Variants in IGFBP7 observed in about 807,000 individuals in gnomAD.
IGFBP7 encodes the protein insulin like growth factor binding protein 7, also known as insulin-like growth factor-binding protein 7.
A neutral mutation model predicts 29.4 loss-of-function variants in IGFBP7; 31 were observed. That is an observed-to-expected ratio of 1.05 (90% CI 0.79 to 1.42). The LOEUF (loss-of-function observed/expected upper bound fraction) is 1.42. IGFBP7 is among the 40% of genes most tolerant of loss of function. IGFBP7 has a pLI of 0.00. For synonymous variants in IGFBP7, 172 were observed against 174.9 expected, an observed-to-expected ratio of 0.98 and a Z score of 0.13; for missense variants, 393 against 395.5, an observed-to-expected ratio of 0.99 and a Z score of 0.05.
chr4:57,099,695 A>C (rs1419206321), intron 1 of IGFBP7, among the ~76,000 whole-genome samples: 2 of 152,192 alleles, frequency 1.3e-5, no homozygotes, highest in African/African-American at 4.8e-5. Context: ...CTGATCCTTC[A>C]AGAACCTCTG....
chr4:57,043,259 A>C (rs771526018), intron 1 of IGFBP7, among the ~76,000 whole-genome samples: 1 of 152,182 alleles, frequency 6.6e-6, no homozygotes, highest in Non-Finnish European at 1.5e-5. Context: ...AGACTCCAGA[A>C]CCTAACCTGG....
chr4:57,103,303 T>C (rs1725942218), intron 1 of IGFBP7, among the ~76,000 whole-genome samples: 1 of 152,132 alleles, frequency 6.6e-6, no homozygotes, highest in South Asian at 2.1e-4. Flanking sequence ...CACTCAGCGC[T>C]CCCATTGCTC....
chr4:57,056,368 TC>T (rs1172471337), intron 1 of IGFBP7, among the ~76,000 whole-genome samples: 20 of 152,126 alleles, frequency 1.3e-4, no homozygotes, highest in African/African-American at 4.8e-4. Context: ...TAGGGCTAGT[TC>T]TTCTCGTGTG....
intron 1 of IGFBP7, chr4:57,073,135 C>T: frequency 6.3e-7 from 1 of 1,594,968 alleles, no homozygotes; most frequent in Non-Finnish European, 8.6e-7. Flanking sequence ...AGCCCTGACC[C>T]AGGCTGCCCA....
intron 1 of IGFBP7, among the ~76,000 whole-genome samples, chr4:57,074,945 C>G (rs528512896): frequency 2.0e-5 from 3 of 152,358 alleles, no homozygotes; most frequent in African/African-American, 7.2e-5. Flanking sequence ...CAACAAGAAA[C>G]AGTGCCATGT....
chr4:57,065,861 C>G (rs550843574), intron 1 of IGFBP7, among the ~76,000 whole-genome samples: 2 of 152,250 alleles, frequency 1.3e-5, no homozygotes, highest in African/African-American at 4.8e-5. Context: ...ATCTTTGAGT[C>G]ATTTACTCCA....
intron 1 of IGFBP7, among the ~76,000 whole-genome samples, chr4:57,091,963 C>A (rs565447475): frequency 6.6e-6 from 1 of 152,226 alleles, no homozygotes; most frequent in East Asian, 1.9e-4. Flanking sequence ...GTGAAACAAG[C>A]GGTCAAATCA....
chr4:57,106,500 C>G (rs1294124275), intron 1 of IGFBP7, among the ~76,000 whole-genome samples: 1 of 152,128 alleles, frequency 6.6e-6, no homozygotes, highest in Non-Finnish European at 1.5e-5. Flanking sequence ...CAGACACTTA[C>G]TGTGGCTAGT....
At chr4:57,103,161 G>A (rs144851789) in intron 1 of IGFBP7, among the ~76,000 whole-genome samples, 62 of 152,326 alleles carry the variant, frequency 4.1e-4, no homozygotes, top group African/African-American at 1.4e-3. Context: ...GGGAAGGAGT[G>A]TAGGCATCTG....
chr4:57,042,331 T>A (rs537005635), intron 1 of IGFBP7, among the ~76,000 whole-genome samples: 2 of 151,576 alleles, frequency 1.3e-5, no homozygotes, highest in East Asian at 3.9e-4. Context: ...GTGTTTGGAT[T>A]TTTGTTTTTT....
At chr4:57,068,187 G>A (rs1487669967) in intron 1 of IGFBP7, among the ~76,000 whole-genome samples, 4 of 151,958 alleles carry the variant, frequency 2.6e-5, no homozygotes, top group Non-Finnish European at 4.4e-5. Flanking sequence ...ATACTTGGGA[G>A]GCCGAGGTGG....
At chr4:57,061,832 CT>C (rs1184664745) in intron 1 of IGFBP7, among the ~76,000 whole-genome samples, 1 of 151,980 alleles carries the variant, frequency 6.6e-6, no homozygotes, top group Non-Finnish European at 1.5e-5. Flanking sequence ...TTTATTTTTA[CT>C]TTTTTAAAAA....
intron 1 of IGFBP7, among the ~76,000 whole-genome samples, chr4:57,091,304 T>G (rs1725630422): frequency 6.6e-6 from 1 of 152,232 alleles, no homozygotes; most frequent in African/African-American, 2.4e-5. Flanking sequence ...GAACCATGAA[T>G]GAATGAATGA....
intron 1 of IGFBP7, among the ~76,000 whole-genome samples, chr4:57,084,322 T>A (rs1238417446): frequency 6.6e-6 from 1 of 152,160 alleles, no homozygotes; most frequent in Non-Finnish European, 1.5e-5. Context: ...ACAGAATCAA[T>A]TACTCAAATT....
Position 57,033,247 on chromosome 4 carries a change from G to GGTGA in IGFBP7, c.649_650insTCAC (p.Ala217ValfsTer13), listed in dbSNP as rs1723992091. 1 of 1,613,988 alleles carries GGTGA rather than the reference G, an allele frequency of 6.2e-7. No individual in the cohort carries two copies. The highest frequency in any genetic ancestry group is 1.7e-5 in the Admixed American group (1 of 60,002). Reference sequence around the variant, plus strand: ...TTCTGGGCCACCCCGGGTCTGAATGGCCAGGTTGTCCCGGTCACCAGGCAG... The same window carrying GGTGA: ...TTCTGGGCCACCCCGGGTCTGAATGGGTGACCAGGTTGTCCCGGTCACCAGGCAG... On this transcript the variant is annotated frameshift_variant, in exon 3 of 5. Transcript: ENST00000295666. LOFTEE classifies it high-confidence loss of function.
intron 2 of IGFBP7, among the ~76,000 whole-genome samples, chr4:57,037,822 C>T (rs967583141): frequency 2.6e-5 from 4 of 152,098 alleles, no homozygotes; most frequent in African/African-American, 9.7e-5. Context: ...TGCAACGGAG[C>T]TTTTCATGGG....
Position 57,110,185 on chromosome 4 carries a change from G to C in IGFBP7, c.167C>G (p.Ala56Gly), listed in dbSNP as rs942974010. ...LGCLLGETRD[A>G]CGCCPMCARG... ...GGCGCACATAGGGCAGCAGCCGCAC[G>C]CGTCGCGGGTCTCGCCCAGCAGGCA... The change falls in exon 1 of 5, where the codon GCG (alanine) becomes GGG (glycine). Residue 56 changes from alanine (A) to glycine (G), a missense_variant. Ala to Gly is a moderately conservative substitution (Grantham distance 60). Transcript: ENST00000295666. 2.2e-6 allele frequency: 3 copies of C among 1,390,368 alleles called. No homozygotes were observed. Among genetic ancestry groups the C allele is most frequent in the South Asian group, 1.6e-5 (1 of 60,960 alleles). 86.1% of individuals were successfully genotyped at this position (1,390,368 alleles called of 1,614,324 possible).
chr4:57,062,619 G>A (rs1312228277), intron 1 of IGFBP7, among the ~76,000 whole-genome samples: 2 of 152,134 alleles, frequency 1.3e-5, no homozygotes, highest in African/African-American at 2.4e-5. Flanking sequence ...CTGGGAACCC[G>A]AGCCCTTTTT....
chr4:57,093,954 A>G (rs115260808), intron 1 of IGFBP7, among the ~76,000 whole-genome samples: 1,572 of 152,312 alleles, frequency 0.01, 22 homozygotes, highest in African/African-American at 0.036. Flanking sequence ...CTTCCAGTAG[A>G]AATTGCCCAG....
Sources: gnomAD v4.1 joint callset for allele counts (sites outside exome capture counted in the v4.1 genomes callset) on GRCh38, gnomAD v4.1.1 for gene constraint, MANE v1.5 for transcripts, NCBI Gene and HGNC (gene_info 2026-07-23, HGNC 2026-07-21) for gene names.